Variants in SGSM2 observed in about 807,000 individuals in gnomAD.
The protein encoded by SGSM2 is RUN and TBC1 domain containing 1.
In SGSM2, 89 loss-of-function variants were observed where a neutral mutation model predicts 126.6. That is an observed-to-expected ratio of 0.70 (90% CI 0.59 to 0.84). SGSM2 has a LOEUF of 0.84. SGSM2 is among the 40% of genes least tolerant of loss of function. SGSM2 has a pLI of 0.00. For synonymous variants in SGSM2, 614 were observed against 574.3 expected (o/e 1.07, Z -0.99); for missense variants, 1,404 against 1,416.6 (o/e 0.99, Z 0.14).
chr17:2,363,631 G>T lies in SGSM2; in HGVS notation c.807+32G>T. On this transcript the variant is annotated intron_variant, in intron 7 of 23. Transcript: ENST00000268989. The surrounding 1 kb of genome is among the most constrained non-coding windows in gnomAD (Gnocchi z 4.2). ...AAGCTTCATCCTGCCATCCCTCCCC[G>T]AAGGTCCCCGAACGAGACGACTGGA... 6.2e-7 allele frequency: 1 copy of T among 1,607,438 alleles called. No individual in the cohort carries two copies. Among genetic ancestry groups the T allele is most frequent in the Non-Finnish European group, 8.5e-7 (1 of 1,175,622 alleles).
intron 12 of SGSM2, among the ~76,000 whole-genome samples, 154 bp from the exon 13 acceptor site, chr17:2,371,108 C>T (rs1458199259): frequency 2.6e-5 from 4 of 152,236 alleles, no homozygotes; most frequent in Admixed American, 2.6e-4. Context: ...CCGTTTCCAT[C>T]TCTGGGCTCT....
chr17:2,378,021 A>G lies in SGSM2; in HGVS notation c.2899+68A>G, dbSNP rs1383605816. ...GAGAGATCCCTCTTCCCCCAAGCCA[A>G]CAGTTCTCAATCCTAACTGGACCTT... On this transcript the variant is annotated intron_variant, in intron 22 of 23. Coordinates refer to ENST00000268989, the MANE Select transcript of SGSM2 (RefSeq NM_014853.3). 3.9e-6 allele frequency: 4 copies of G among 1,021,344 alleles called. No homozygotes were observed. In the African/African-American group the frequency reaches 4.7e-5, roughly 12 times the overall value. 63.3% of individuals were successfully genotyped at this position (1,021,344 alleles called of 1,614,324 possible).
chr17:2,351,519 TG>T (rs971383326), intron 2 of SGSM2, among the ~76,000 whole-genome samples: 29 of 152,314 alleles, frequency 1.9e-4, no homozygotes, highest in Admixed American at 3.3e-4. Context: ...CATGAGAGGC[TG>T]GCCCTGGCCT....
intron 11 of SGSM2, among the ~76,000 whole-genome samples, chr17:2,366,297 C>T (rs2065581940): frequency 6.6e-6 from 1 of 152,158 alleles, no homozygotes; most frequent in South Asian, 2.1e-4. Context: ...ACCAAAGTTC[C>T]CTTTCTGGTC....
intron 2 of SGSM2, among the ~76,000 whole-genome samples, chr17:2,344,924 C>T (rs983403051): frequency 1.3e-5 from 2 of 152,138 alleles, no homozygotes; most frequent in Admixed American, 6.5e-5. Flanking sequence ...TTCATTCGTT[C>T]GTAGCATTGT....
At chr17:2,374,504 G>A (rs1263572780) in intron 17 of SGSM2, 3 of 152,194 alleles carry the variant, frequency 2.0e-5, no homozygotes, top group Non-Finnish European at 4.4e-5. Context: ...CTGAGCCATG[G>A]AGGTTGAGGC....
chr17:2,337,824 C>T lies in SGSM2; in HGVS notation c.57+79C>T. 8.7e-7 allele frequency: 1 copy of T among 1,154,594 alleles called. No individual in the cohort carries two copies. 71.5% of individuals were successfully genotyped at this position (1,154,594 alleles called of 1,614,324 possible). A position where few individuals can be genotyped will look rare whatever the true frequency, so the allele number is the denominator to read the frequency against. ...GGGGGCAGAAAGGTCCGCGCCCACC[C>T]CCCGGCGCGGGCACCCGGGCCGAAC... On this transcript the variant is annotated intron_variant, in intron 1 of 23. Transcript: ENST00000268989. This position sits in a 1 kb window ranked among gnomAD's most constrained non-coding sequence, Gnocchi z 5.1.
chr17:2,378,943 C>CCCCAGCCTCAAT (rs1254736444), intron 22 of SGSM2, 93 bp from the exon 23 acceptor site: 1 of 1,436,514 alleles, frequency 7.0e-7, no homozygotes, highest in Non-Finnish European at 9.4e-7. Context: ...TCAGCCTCAG[C>CCCCAGCCTCAAT]CCCAGCCTCA....
intron 1 of SGSM2, among the ~76,000 whole-genome samples, chr17:2,342,901 C>T (rs897748063): frequency 3.3e-5 from 5 of 152,044 alleles, no homozygotes; most frequent in South Asian, 2.1e-4. Context: ...CGCTTGAACC[C>T]GGGAGGCAGA....
At position 2,363,363 on chromosome 17, in the gene SGSM2, C is replaced by G; in HGVS notation, c.673-102C>G. ...GGGAGTAAACCGGGGCAGGAAGGAC[C>G]CCTGGGGTCAGCTGGAGAGGGTCAG... is the stretch of plus-strand genomic sequence containing the variant. On this transcript the variant is annotated intron_variant, in intron 6 of 23. Coordinates refer to ENST00000268989, the MANE Select transcript of SGSM2 (RefSeq NM_014853.3). The surrounding 1 kb of genome is among the most constrained non-coding windows in gnomAD (Gnocchi z 4.2). 6.4e-7 allele frequency: 1 copy of G among 1,556,218 alleles called. No individual in the cohort carries two copies. The highest frequency in any genetic ancestry group is 8.7e-7 in the Non-Finnish European group (1 of 1,150,852).
At chr17:2,360,172 G>A (rs1445230205) in intron 2 of SGSM2, among the ~76,000 whole-genome samples, 4 of 152,030 alleles carry the variant, frequency 2.6e-5, no homozygotes, top group African/African-American at 9.7e-5. Context: ...GCGAAACCCC[G>A]TCTCTACTAA....
At chr17:2,351,096 T>C (rs1235574661) in intron 2 of SGSM2, among the ~76,000 whole-genome samples, 1 of 151,912 alleles carries the variant, frequency 6.6e-6, no homozygotes, top group African/African-American at 2.4e-5. Context: ...CTACTAAAAA[T>C]ACAAAAATTA....
At position 2,363,356 on chromosome 17, in the gene SGSM2, GA is replaced by G. The variant is rs778351675; in HGVS notation, c.673-107del. ...GGTGGCTGGGAGTAAACCGGGGCAG[GA>G]AGGACCCCTGGGGTCAGCTGGAGAG... On this transcript the variant is annotated intron_variant, in intron 6 of 23. Transcript: ENST00000268989. The surrounding 1 kb of genome is among the most constrained non-coding windows in gnomAD (Gnocchi z 4.2). 14 of 1,531,110 alleles carry G rather than the reference GA, an allele frequency of 9.1e-6. No homozygotes were observed. The highest frequency in any genetic ancestry group is 1.1e-5 in the Non-Finnish European group (13 of 1,134,154). The allele number at this position is 1,531,110 out of a possible 1,614,324, so 94.8% of individuals were successfully genotyped here. A position where few individuals can be genotyped will look rare whatever the true frequency, so the allele number is the denominator to read the frequency against.
chr17:2,371,282 A>G lies in SGSM2; in HGVS notation c.1444A>G (p.Met482Val), dbSNP rs1308253223. Residue 482 changes from methionine to valine, a missense_variant, in exon 13 of 24, where the codon ATG becomes GTG. Met to Val is a conservative substitution (Grantham distance 21). Transcript: ENST00000268989. ...PMKDAGDMIE[M>V]QGFGPSLPAW... ...CGCAGACGCTGGTGACATGATCGAGATGCAGGGCTTTGGGCCCAGCCTGCC... is the reference window on the plus strand; with the variant it reads ...CGCAGACGCTGGTGACATGATCGAGGTGCAGGGCTTTGGGCCCAGCCTGCC... The G allele has an allele frequency of 6.2e-7, 1 of 1,612,038 alleles. No homozygotes were observed. Among genetic ancestry groups the G allele is most frequent in the Non-Finnish European group, 8.5e-7 (1 of 1,179,842 alleles).
In SGSM2 at chr17:2,379,564, C is replaced by T. The variant is rs1190676397; in HGVS notation, c.*44C>T. On this transcript the variant is annotated 3_prime_UTR_variant, in exon 24 of 24. Coordinates refer to ENST00000268989, the MANE Select transcript of SGSM2 (RefSeq NM_014853.3). The stretch of plus-strand genomic sequence containing the variant: ...CAGCCGTGCAGAGCCTGGGCTCCGG[C>T]AGGGAGAGGTGCAGGGGAGTCACCG... 9 of 1,591,508 alleles carry T rather than the reference C, an allele frequency of 5.7e-6. No homozygotes were observed. Among genetic ancestry groups the T allele is most frequent in the Non-Finnish European group, 7.7e-6 (9 of 1,164,966 alleles).
intron 17 of SGSM2, 23 bp from the exon 18 acceptor site, chr17:2,375,469 G>A (rs1431165531): frequency 6.3e-7 from 1 of 1,582,838 alleles, no homozygotes; most frequent in African/African-American, 1.3e-5. Context: ...TGCAGGTGGA[G>A]CCGCCCTGTG....
chr17:2,364,254 GA>G, intron 8 of SGSM2, 71 bp downstream of exon 8: 1 of 1,590,780 alleles, frequency 6.3e-7, no homozygotes, highest in South Asian at 1.1e-5. Flanking sequence ...GAGGGATGGA[GA>G]AACCCCGCTT....
In SGSM2 at chr17:2,362,856, G is replaced by A. The variant is rs369315298; in HGVS notation, c.477G>A (p.Glu159=). 4.3e-6 allele frequency: 7 copies of A among 1,614,028 alleles called. No individual in the cohort carries two copies. Among genetic ancestry groups the A allele is most frequent in the Non-Finnish European group, 5.9e-6 (7 of 1,180,050 alleles). ...AENCSKYYEK[E]ALLADPVFGP... ...CTGGCAGCAAGTACTACGAGAAGGA[G>A]GCACTGCTGGCAGACCCTGTGTTCG... Residue 159 remains glutamate, a synonymous_variant, in exon 5 of 24, where the codon GAG becomes GAA. Transcript: ENST00000268989. This position sits in a 1 kb window ranked among gnomAD's most constrained non-coding sequence, Gnocchi z 4.9.
chr17:2,365,379 A>G, intron 11 of SGSM2, 38 bp downstream of exon 11: 11 of 1,503,564 alleles, frequency 7.3e-6, no homozygotes, highest in Non-Finnish European at 9.8e-6. Flanking sequence ...GAGGAGAGGA[A>G]GACGCTCTGG....
Sources: gnomAD v4.1 joint callset for allele counts (sites outside exome capture counted in the v4.1 genomes callset) on GRCh38, gnomAD v4.1.1 for gene constraint, Gnocchi (gnomAD v3.1) non-coding constraint, MANE v1.5 for transcripts, NCBI Gene and HGNC (gene_info 2026-07-23, HGNC 2026-07-21) for gene names.